FRS2: variants seen among roughly 807,000 people sequenced by gnomAD.
The protein encoded by FRS2 is fibroblast growth factor receptor substrate 2.
FRS2 carries 8 observed loss-of-function variants against 43.9 expected under a neutral mutation model. The ratio of observed to expected loss-of-function variants is 0.18; its 90% CI spans 0.11 to 0.33. FRS2 has a LOEUF of 0.33. Among genes scored for constraint, FRS2 ranks in the 10% least tolerant of loss-of-function variants. The probability of loss-of-function intolerance (pLI) is 1.00; values close to 1 mark genes in which losing one functional copy is unlikely to be tolerated. For synonymous variants in FRS2, 219 were observed against 220.3 expected (o/e 0.99, Z 0.05); for missense variants, 534 against 627.6 (o/e 0.85, Z 1.59).
chr12:69,565,134 T>C (rs928058389), intron 4 of FRS2, among the ~76,000 whole-genome samples: 5 of 152,198 alleles, frequency 3.3e-5, no homozygotes, highest in Non-Finnish European at 7.3e-5. Context: ...ACTCAACAAA[T>C]CTGAGCAACA....
chr12:69,521,954 T>G (rs1388872480), intron 1 of FRS2, among the ~76,000 whole-genome samples: 1 of 152,176 alleles, frequency 6.6e-6, no homozygotes, highest in Non-Finnish European at 1.5e-5. Context: ...TGAATTTTAT[T>G]GAGAGCCTTT....
In FRS2 at chr12:69,574,438, A is replaced by G; in HGVS notation, c.1010A>G (p.Asn337Ser). The G allele has an allele frequency of 6.2e-7, 1 of 1,614,126 alleles. No homozygotes were observed. Among genetic ancestry groups the G allele is most frequent in the Non-Finnish European group, 8.5e-7 (1 of 1,179,958 alleles). The stretch of plus-strand genomic sequence containing the variant: ...AGTACCTCAGATACCCAGAATATCA[A>G]CAACTCAGCTCAGAGAAGAACTGCA... Reference protein sequence around the residue: ...STSTSDTQNINNSAQRRTALL... With the variant: ...STSTSDTQNISNSAQRRTALL... The change falls in exon 9 of 9, where the codon AAC (asparagine) becomes AGC (serine). Residue 337 changes from asparagine (N) to serine (S), a missense_variant. Transcript: ENST00000549921.
chr12:69,569,284 TC>T (rs759737359), intron 5 of FRS2, among the ~76,000 whole-genome samples, 188 bp downstream of exon 5: 29 of 152,216 alleles, frequency 1.9e-4, no homozygotes, highest in Non-Finnish European at 4.0e-4. Context: ...TTTTTAGTTT[TC>T]CTTCGGTCCT....
chr12:69,496,525 T>C (rs917584582), intron 1 of FRS2, among the ~76,000 whole-genome samples: 1 of 152,194 alleles, frequency 6.6e-6, no homozygotes, highest in East Asian at 1.9e-4. Context: ...TATCTACATA[T>C]TTTTGAAGTG....
chr12:69,556,892 T>C (rs539101038), intron 3 of FRS2, among the ~76,000 whole-genome samples: 1 of 152,354 alleles, frequency 6.6e-6, no homozygotes, highest in South Asian at 2.1e-4. Context: ...GAAAATATTA[T>C]AAAATTCGTA....
At chr12:69,503,374 A>C (rs1420867004) in intron 1 of FRS2, among the ~76,000 whole-genome samples, 1 of 152,170 alleles carries the variant, frequency 6.6e-6, no homozygotes, top group Non-Finnish European at 1.5e-5. Flanking sequence ...CCAGCTGGAT[A>C]ATCCCATTTT....
chr12:69,547,601 G>A (rs751666623), intron 3 of FRS2, among the ~76,000 whole-genome samples: 5 of 152,154 alleles, frequency 3.3e-5, no homozygotes, highest in Non-Finnish European at 7.3e-5. Flanking sequence ...CCAGTGGAAT[G>A]CAGTTGATTA....
chr12:69,548,567 T>C (rs1361263641), intron 3 of FRS2, among the ~76,000 whole-genome samples: 3 of 152,250 alleles, frequency 2.0e-5, no homozygotes, highest in Admixed American at 1.3e-4. Context: ...AGGTATCTTT[T>C]CCACTGATTA....
At position 69,571,448 on chromosome 12, in the gene FRS2, T is replaced by G; in HGVS notation, c.412+14T>G. 6.3e-7 allele frequency: 1 copy of G among 1,599,024 alleles called. No homozygotes were observed. Among genetic ancestry groups the G allele is most frequent in the Non-Finnish European group, 8.6e-7 (1 of 1,169,294 alleles). On this transcript the variant is annotated intron_variant, in intron 7 of 8. Transcript: ENST00000549921. ...GAACACCTACAAGTAAGTACCCCTT[T>G]TCCCTTTCACATTTTGAATAACAGA...
intron 3 of FRS2, among the ~76,000 whole-genome samples, chr12:69,541,397 A>G (rs1168197766): frequency 6.6e-6 from 1 of 152,156 alleles, no homozygotes; most frequent in African/African-American, 2.4e-5. Context: ...GAAAATACTG[A>G]CACTGTACCT....
intron 1 of FRS2, among the ~76,000 whole-genome samples, chr12:69,487,091 G>T (rs1308059086): frequency 6.6e-6 from 1 of 152,194 alleles, no homozygotes; most frequent in Non-Finnish European, 1.5e-5. Flanking sequence ...TGCCCAGGCT[G>T]GTCTCAAACT....
chr12:69,480,031 G>A (rs1871215384), intron 1 of FRS2, among the ~76,000 whole-genome samples: 1 of 152,022 alleles, frequency 6.6e-6, no homozygotes, highest in Non-Finnish European at 1.5e-5. Flanking sequence ...CTTGAAGTTA[G>A]CTACTTCTCT....
At chr12:69,505,229 A>G (rs1873818391) in intron 1 of FRS2, among the ~76,000 whole-genome samples, 1 of 152,210 alleles carries the variant, frequency 6.6e-6, no homozygotes, top group African/African-American at 2.4e-5. Flanking sequence ...AAATGAGGAA[A>G]TGGAAGCAAA....
At chr12:69,567,545 A>G (rs1363868093) in intron 4 of FRS2, among the ~76,000 whole-genome samples, 1 of 152,186 alleles carries the variant, frequency 6.6e-6, no homozygotes, top group Admixed American at 6.5e-5. Flanking sequence ...AAAGACAGAT[A>G]AACAGATACC....
In FRS2 at chr12:69,573,084, C is replaced by T. The variant is rs192391487; in HGVS notation, c.576+803C>T. Among the ~76,000 whole-genome samples the T allele has an allele frequency of 3.0e-3, 451 of 152,322 alleles. 3 individuals are homozygous for T. Among genetic ancestry groups the T allele is most frequent in the African/African-American group, 9.5e-3 (394 of 41,564 alleles). ...CTGACCTCAAGTGATCTGCCTGCCC[C>T]GGCCTCCCAAAGTGTTGGGATTACA... is the stretch of plus-strand genomic sequence containing the variant. On this transcript the variant is annotated intron_variant, in intron 8 of 8. Transcript: ENST00000549921.
chr12:69,508,566 T>C (rs1302555373), intron 1 of FRS2, among the ~76,000 whole-genome samples: 1 of 152,238 alleles, frequency 6.6e-6, no homozygotes, highest in Non-Finnish European at 1.5e-5. Context: ...AATCTTCTGG[T>C]TACCTTTCTA....
intron 1 of FRS2, among the ~76,000 whole-genome samples, chr12:69,512,029 C>T (rs1435360831): frequency 2.0e-5 from 3 of 152,202 alleles, no homozygotes; most frequent in Non-Finnish European, 2.9e-5. Flanking sequence ...AAGCCTTTGC[C>T]AGACTCCACA....
chr12:69,502,385 G>A (rs1391241750), intron 1 of FRS2, among the ~76,000 whole-genome samples: 1 of 151,926 alleles, frequency 6.6e-6, no homozygotes, highest in Non-Finnish European at 1.5e-5. Context: ...AGTTTACTGT[G>A]ATTTTTTTAA....
chr12:69,496,080 G>A (rs1872861190), intron 1 of FRS2, among the ~76,000 whole-genome samples: 1 of 152,098 alleles, frequency 6.6e-6, no homozygotes, highest in Admixed American at 6.5e-5. Flanking sequence ...AAGTTTTAGT[G>A]TGTTTTTTTG....
Sources: gnomAD v4.1 joint callset for allele counts (sites outside exome capture counted in the v4.1 genomes callset) on GRCh38, gnomAD v4.1.1 for gene constraint, MANE v1.5 for transcripts, NCBI Gene and HGNC (gene_info 2026-07-23, HGNC 2026-07-21) for gene names.